The following IGF1R variants were observed in gnomAD, a reference collection of about 807,000 sequenced individuals.
IGF1R encodes insulin like growth factor 1 receptor.
IGF1R carries 44 observed loss-of-function variants against 144.6 expected under a neutral mutation model. The ratio of observed to expected loss-of-function variants is 0.30; its 90% CI spans 0.24 to 0.39. The LOEUF (loss-of-function observed/expected upper bound fraction) is 0.39. IGF1R is among the 10% of genes least tolerant of loss of function. The pLI is 1.00. For synonymous variants in IGF1R, 795 were observed against 722.8 expected (o/e 1.10, Z -1.60); for missense variants, 1,355 against 1,833.7 (o/e 0.74, Z 4.77).
Position 98,957,313 on chromosome 15 carries a change from C to A in IGF1R, c.3975C>A (p.Ala1325=), listed in dbSNP as rs70958400. ...CCGACAGACACTCAGGACACAAGGCCGAGAACGGCCCCGGCCCTGGGGTGC... is the reference window on the plus strand; with the variant it reads ...CCGACAGACACTCAGGACACAAGGCAGAGAACGGCCCCGGCCCTGGGGTGC... ...PLPDRHSGHK[A]ENGPGPGVLV... is the part of the protein sequence containing the mutation. The change falls in exon 21 of 21, where the codon GCC becomes GCA. Residue 1325 remains alanine (A), a synonymous_variant. Transcript: ENST00000650285. The A allele has an allele frequency of 4.3e-6, 7 of 1,612,654 alleles. No homozygotes were observed. The African/African-American group carries it at 8.0e-5, about 18-fold the overall frequency.
At chr15:98,803,989 A>G (rs1167896527) in intron 2 of IGF1R, among the ~76,000 whole-genome samples, 1 of 152,196 alleles carries the variant, frequency 6.6e-6, no homozygotes, top group East Asian at 1.9e-4. Flanking sequence ...CAGCATCCCC[A>G]CAAACATATG....
At chr15:98,721,866 G>C (rs946561374) in intron 2 of IGF1R, among the ~76,000 whole-genome samples, 15 of 152,162 alleles carry the variant, frequency 9.9e-5, no homozygotes, top group African/African-American at 3.6e-4. Flanking sequence ...TCACTTTGCT[G>C]ACTTGTGAAT....
chr15:98,686,827 C>G (rs1252644096), intron 1 of IGF1R, among the ~76,000 whole-genome samples: 2 of 152,120 alleles, frequency 1.3e-5, no homozygotes, highest in East Asian at 3.9e-4. Flanking sequence ...TGCGCCATCA[C>G]TCCTGGTGAA....
intron 2 of IGF1R, among the ~76,000 whole-genome samples, chr15:98,757,691 A>T (rs62024539): frequency 6.6e-6 from 1 of 151,846 alleles, no homozygotes; most frequent in South Asian, 2.1e-4. Context: ...TTTGCTTGGT[A>T]TACTCTTGTT....
chr15:98,893,357 CA>C (rs2014022693), intron 3 of IGF1R: 1 of 152,186 alleles, frequency 6.6e-6, no homozygotes, highest in Non-Finnish European at 1.5e-5. Flanking sequence ...ATACTAACAA[CA>C]AGAAGAAAAT....
At chr15:98,663,436 A>G (rs745321562) in intron 1 of IGF1R, among the ~76,000 whole-genome samples, 4 of 152,240 alleles carry the variant, frequency 2.6e-5, no homozygotes, top group Admixed American at 6.5e-5. Flanking sequence ...TTTAAAGAAT[A>G]GCTGGATGTT....
At chr15:98,951,450 G>A (rs1331025460) in intron 20 of IGF1R, among the ~76,000 whole-genome samples, 1 of 152,230 alleles carries the variant, frequency 6.6e-6, no homozygotes, top group East Asian at 1.9e-4. Flanking sequence ...TTCTGTGTTA[G>A]TTTTTTATCG....
At chr15:98,770,129 T>C (rs968198043) in intron 2 of IGF1R, among the ~76,000 whole-genome samples, 1 of 152,218 alleles carries the variant, frequency 6.6e-6, no homozygotes, top group Non-Finnish European at 1.5e-5. Flanking sequence ...TTGGGATTCT[T>C]TCCAGTGTGG....
intron 1 of IGF1R, among the ~76,000 whole-genome samples, chr15:98,676,384 C>T (rs1355913222): frequency 6.6e-6 from 1 of 152,170 alleles, no homozygotes; most frequent in Admixed American, 6.5e-5. Flanking sequence ...GATCCGCCTG[C>T]CTCGACCTCC....
At chr15:98,897,250 G>A (rs2014246354) in intron 4 of IGF1R, 1 of 260,014 alleles carries the variant, frequency 3.8e-6, no homozygotes, top group Non-Finnish European at 7.5e-6. Context: ...GACTCCAGCT[G>A]TAGCCAAATC....
Position 98,916,138 on chromosome 15 carries a change from G to T in IGF1R, c.1996+7G>T. ...CACAATTACTGCTCCAAAGGTAAGG[G>T]TGCAGCAGCGGCCTGGACGGAGGGT... On this transcript the variant is annotated splice_region_variant and intron_variant, in intron 9 of 20. Transcript: ENST00000650285. 1 of 1,614,126 alleles carries T rather than the reference G, an allele frequency of 6.2e-7. No individual in the cohort carries two copies. The highest frequency in any genetic ancestry group is 8.5e-7 in the Non-Finnish European group (1 of 1,179,988).
rs72752831 is a variant in IGF1R at position 98,828,446 on chromosome 15, G to A, written c.641-62879G>A. 6.0e-3 allele frequency among the ~76,000 whole-genome samples: 909 copies of A among 152,232 alleles called. 2 individuals are homozygous for A. Among genetic ancestry groups the A allele is most frequent in the South Asian group, 0.014 (69 of 4,816 alleles). On this transcript the variant is annotated intron_variant, in intron 2 of 20. Transcript: ENST00000650285. ...ACAGAGAGGTAGGGCAAGATAAAAC[G>A]ACTCATTTGTGGATCTGACTCCTTG... is the stretch of plus-strand genomic sequence containing the variant.
At chr15:98,920,303 C>G (rs540072199) in intron 10 of IGF1R, among the ~76,000 whole-genome samples, 18 of 152,300 alleles carry the variant, frequency 1.2e-4, no homozygotes, top group African/African-American at 4.3e-4. Flanking sequence ...TCACCTCCCT[C>G]CCCTTGTCAC....
At chr15:98,696,989 G>T (rs1406354970) in intron 1 of IGF1R, among the ~76,000 whole-genome samples, 1 of 152,172 alleles carries the variant, frequency 6.6e-6, no homozygotes, top group Non-Finnish European at 1.5e-5. Flanking sequence ...TTGGATGAGC[G>T]TGCAGTGGAA....
chr15:98,756,546 T>TC (rs1567113131), intron 2 of IGF1R, among the ~76,000 whole-genome samples: 1 of 152,228 alleles, frequency 6.6e-6, no homozygotes, highest in African/African-American at 2.4e-5. Context: ...TTTGCTTTTT[T>TC]CCCCCTTAAT....
chr15:98,732,918 C>A (rs780297869), intron 2 of IGF1R, among the ~76,000 whole-genome samples: 5 of 152,042 alleles, frequency 3.3e-5, no homozygotes, highest in Non-Finnish European at 7.4e-5. Context: ...GGGGGCCACC[C>A]CTTTGGGAGG....
At chr15:98,766,456 G>A (rs1395856662) in intron 2 of IGF1R, among the ~76,000 whole-genome samples, 1 of 152,088 alleles carries the variant, frequency 6.6e-6, no homozygotes, top group Non-Finnish European at 1.5e-5. Flanking sequence ...ATGGTGTGAC[G>A]GTGAGAACTT....
In IGF1R at chr15:98,649,525, C is replaced by CTT. The variant is rs544674838; in HGVS notation, c.-34_-33dup. The CTT allele has an allele frequency of 3.8e-3, 2,729 of 723,576 alleles. 17 individuals are homozygous for CTT. Among genetic ancestry groups the CTT allele is most frequent in the South Asian group, 7.7e-3 (429 of 56,020 alleles). 44.8% of individuals were successfully genotyped at this position (723,576 alleles called of 1,614,324 possible). ...TCATTTCCTTTTTTTCTTTTCTTTT[C>CTT]TTTTTTTTTTTTTTTTTTTTTTTTG... On this transcript the variant is annotated 5_prime_UTR_variant, in exon 1 of 21. Coordinates refer to ENST00000650285, the MANE Select transcript of IGF1R (RefSeq NM_000875.5).
At chr15:98,951,188 G>C (rs1422917451) in intron 20 of IGF1R, among the ~76,000 whole-genome samples, 1 of 152,214 alleles carries the variant, frequency 6.6e-6, no homozygotes, top group African/African-American at 2.4e-5. Flanking sequence ...ACATGTGGGG[G>C]CTCCCATTGT....
Sources: allele counts gnomAD v4.1 joint callset (sites outside exome capture counted in the v4.1 genomes callset), GRCh38; gene constraint gnomAD v4.1.1; transcripts MANE v1.5; gene names NCBI Gene and HGNC (gene_info 2026-07-23, HGNC 2026-07-21).